Variants in ZP4 observed in about 807,000 individuals in gnomAD.
ZP4 encodes zona pellucida glycoprotein 4.
Under a neutral mutation model 62.3 loss-of-function variants are expected in ZP4, and 62 were observed. The observed-to-expected ratio is 0.99, with a 90% CI of 0.81 to 1.23. The LOEUF is 1.23. ZP4 is among the 50% of genes most tolerant of loss of function. The probability of loss-of-function intolerance (pLI) is 0.00; values close to 1 mark genes in which losing one functional copy is unlikely to be tolerated. For synonymous variants in ZP4, 289 were observed against 247.3 expected (o/e 1.17, Z -1.58); for missense variants, 774 against 656.0 (o/e 1.18, Z -1.97).
At position 237,885,501 on chromosome 1, in the gene ZP4, G is replaced by T; in HGVS notation, c.1050C>A (p.Val350=). The change falls in exon 8 of 12, where the codon GTC becomes GTA. Residue 350 remains valine (V), a synonymous_variant. Coordinates refer to ENST00000366570, the MANE Select transcript of ZP4 (RefSeq NM_021186.5). ...KLLRDPIYVE[V]SILHRTDPYL... Reference sequence around the variant, plus strand: ...AGGGGTCTGTTCTGTGAAGGATGGAGACCTCCACGTAAATGGGATCCCGAA... The same window carrying T: ...AGGGGTCTGTTCTGTGAAGGATGGATACCTCCACGTAAATGGGATCCCGAA... The T allele has an allele frequency of 4.3e-6, 7 of 1,614,136 alleles. No individual in the cohort carries two copies. Among genetic ancestry groups the T allele is most frequent in the African/African-American group, 2.7e-5 (2 of 75,022 alleles).
chr1:237,885,927 T>C, intron 6 of ZP4, 41 bp from the exon 7 acceptor site: 3 of 1,611,650 alleles, frequency 1.9e-6, no homozygotes, highest in South Asian at 1.1e-5. Flanking sequence ...TTGTGGGAAG[T>C]GGGTGTCAGT....
At chr1:237,888,827 G>A (rs184621109) in intron 3 of ZP4, among the ~76,000 whole-genome samples, 53 of 152,236 alleles carry the variant, frequency 3.5e-4, no homozygotes, top group Admixed American at 2.0e-3. Flanking sequence ...CTTTAGAGGC[G>A]TTTCTCAAGC....
In ZP4 at chr1:237,885,419, G is replaced by A. The variant is rs780056140; in HGVS notation, c.1132C>T (p.Gln378Ter). 10 of 1,612,598 alleles carry A rather than the reference G, an allele frequency of 6.2e-6. 1 individual carries two copies. In the South Asian group the frequency reaches 1.1e-4, roughly 18 times the overall value. Residue 378 changes from glutamine to a stop codon, truncating the protein, a stop_gained, in exon 8 of 12, where the codon CAG becomes TAG. Transcript: ENST00000366570. LOFTEE classifies it high-confidence loss of function. ...WATPSTDPLS[Q>*]PQWPILVKGC... Reference sequence around the variant, plus strand: ...TTTACCAGGATGGGCCACTGTGGCTGACTCAGGGGGTCAGTGCTGGGTGTT... The same window carrying A: ...TTTACCAGGATGGGCCACTGTGGCTAACTCAGGGGGTCAGTGCTGGGTGTT...
At chr1:237,889,787 G>T in intron 3 of ZP4, 80 bp downstream of exon 3, 1 of 1,216,690 alleles carries the variant, frequency 8.2e-7, no homozygotes, top group Non-Finnish European at 1.2e-6. Flanking sequence ...ACTGCACAGA[G>T]CAGGTCAGAG....
chr1:237,885,862 T>C lies in ZP4; in HGVS notation c.864A>G (p.Ser288=), dbSNP rs1419864137. 6.2e-7 allele frequency: 1 copy of C among 1,614,146 alleles called. No homozygotes were observed. Among genetic ancestry groups the C allele is most frequent in the South Asian group, 1.1e-5 (1 of 91,076 alleles). The part of the protein sequence containing the change: ...IFRLHVSCSY[S]VSSNSLPINV... ...TGATTGGGAGAGAGTTGCTACTTAC[T>C]GAGTAGCTGCAGCTGACATGGAGCC... The change falls in exon 7 of 12, where the codon TCA becomes TCG. Residue 288 remains serine (S), a synonymous_variant. Coordinates refer to ENST00000366570, the MANE Select transcript of ZP4 (RefSeq NM_021186.5).
chr1:237,888,355 C>CA lies in ZP4; in HGVS notation c.553+2dup, dbSNP rs758310784. The CA allele has an allele frequency of 3.6e-5, 57 of 1,573,628 alleles. No individual in the cohort carries two copies. Among genetic ancestry groups the CA allele is most frequent in the Non-Finnish European group, 4.7e-5 (54 of 1,151,512 alleles). ...GGTTTCAGAGGTGTGCTCACTTACT[C>CA]ACCAGTGTTTCCATAGTAGCAGGAA... On this transcript the variant is annotated splice_region_variant and intron_variant, in intron 4 of 11. Transcript: ENST00000366570.
At chr1:237,887,345 A>AG (rs759750037) in intron 5 of ZP4, 29 bp downstream of exon 5, 6 of 1,606,566 alleles carry the variant, frequency 3.7e-6, no homozygotes, top group Non-Finnish European at 5.1e-6. Flanking sequence ...CCCAACTTCC[A>AG]GAGCCAGGAA....
chr1:237,888,412 G>C lies in ZP4; in HGVS notation c.499C>G (p.Leu167Val), dbSNP rs1665159017. Residue 167 changes from leucine to valine, a missense_variant, in exon 4 of 12, where the codon CTA (leucine) becomes GTA (valine). Physicochemically the swap from Leu to Val is conservative, Grantham distance 32 (BLOSUM62 1). Transcript: ENST00000366570. Reference sequence around the variant, plus strand: ...TCTTCAGAGCTATAACAACAGCCTAGCCCTTCACAGTCTCCTCGAGAGATG... The same window carrying C: ...TCTTCAGAGCTATAACAACAGCCTACCCCTTCACAGTCTCCTCGAGAGATG... ...SPISRGDCEG[L>V]GCCYSSEEVN... The C allele has an allele frequency of 6.2e-7, 1 of 1,610,930 alleles. No individual in the cohort carries two copies. Among genetic ancestry groups the C allele is most frequent in the Admixed American group, 1.7e-5 (1 of 59,834 alleles).
intron 10 of ZP4, among the ~76,000 whole-genome samples, chr1:237,884,242 CTA>C (rs1665042382): frequency 6.6e-6 from 1 of 152,152 alleles, no homozygotes; most frequent in South Asian, 2.1e-4. Flanking sequence ...CATTTAGTTA[CTA>C]TGAGTTTTGC....
chr1:237,885,053 C>A, intron 9 of ZP4, 112 bp downstream of exon 9: 3 of 1,460,158 alleles, frequency 2.1e-6, no homozygotes, highest in Admixed American at 4.0e-5. Flanking sequence ...GAGTCAGTAC[C>A]AATAGCCAGC....
At chr1:237,888,188 C>T (rs149637971) in intron 4 of ZP4, among the ~76,000 whole-genome samples, 170 bp downstream of exon 4, 1 of 152,234 alleles carries the variant, frequency 6.6e-6, no homozygotes. Context: ...GGAGAATGGA[C>T]AGTGGGAGTT....
In ZP4 at chr1:237,890,585, C is replaced by T. The variant is rs1186722195; in HGVS notation, c.51G>A (p.Val17=). The T allele has an allele frequency of 3.7e-6, 6 of 1,614,014 alleles. No individual in the cohort carries two copies. In the Admixed American group the frequency reaches 1.0e-4, roughly 27 times the overall value. The change falls in exon 1 of 12, where the codon GTG becomes GTA. Residue 17 remains valine, a synonymous_variant. Coordinates refer to ENST00000366570, the MANE Select transcript of ZP4 (RefSeq NM_021186.5). ...GTGCCTCAGGCTTATGCTGGCCACT[C>T]ACAGCAAGAGATAATGAAACACACA... is the stretch of plus-strand genomic sequence containing the variant. ...VLLCVSLSLA[V]SGQHKPEAPD...
At chr1:237,883,257 A>G (rs1211608845) in intron 10 of ZP4, among the ~76,000 whole-genome samples, 1 of 152,242 alleles carries the variant, frequency 6.6e-6, no homozygotes, top group East Asian at 1.9e-4. Flanking sequence ...CTTGAAATAT[A>G]CAGTTTTACG....
At position 237,890,621 on chromosome 1, in the gene ZP4, C is replaced by T. The variant is rs762480720; in HGVS notation, c.15G>A (p.Arg5=). 3 of 1,613,018 alleles carry T rather than the reference C, an allele frequency of 1.9e-6. No individual in the cohort carries two copies. Among genetic ancestry groups the T allele is most frequent in the African/African-American group, 2.7e-5 (2 of 74,882 alleles). Residue 5 remains arginine (R), a synonymous_variant, in exon 1 of 12, where the codon CGG becomes CGA. Transcript: ENST00000366570. The part of the protein sequence containing the change: MWLL[R]CVLLCVSLSL... ...ATAATGAAACACACAGCAAAACGCA[C>T]CGCAGCAGCCACATAATGCTACCAG...
rs374990744 is a variant in ZP4 at position 237,888,538 on chromosome 1, T to C, written c.401-28A>G. On this transcript the variant is annotated intron_variant, in intron 3 of 11. Transcript: ENST00000366570. Reference sequence around the variant, plus strand: ...AGGTTTTGAAAAAGAGTAAGTCAGGTTAGATAATGGAAAAGTTAGTCTTGA... The same window carrying C: ...AGGTTTTGAAAAAGAGTAAGTCAGGCTAGATAATGGAAAAGTTAGTCTTGA... 2.7e-5 allele frequency: 43 copies of C among 1,566,002 alleles called. No individual in the cohort carries two copies. In the African/African-American group the frequency reaches 5.1e-4, roughly 19 times the overall value.
chr1:237,883,983 A>ACAC (rs1665013477), intron 10 of ZP4, among the ~76,000 whole-genome samples: 8 of 42,392 alleles, frequency 1.9e-4, no homozygotes, highest in African/African-American at 5.4e-4. Context: ...CACACACACA[A>ACAC]ACACACACAC....
intron 1 of ZP4, 44 bp downstream of exon 1, chr1:237,890,417 G>A (rs1456669042): frequency 3.2e-6 from 5 of 1,579,406 alleles, no homozygotes; most frequent in Non-Finnish European, 4.3e-6. Context: ...TAGTAGAGGA[G>A]ACATATCATT....
intron 10 of ZP4, among the ~76,000 whole-genome samples, chr1:237,883,554 A>G (rs533421950): frequency 4.7e-5 from 7 of 148,572 alleles, no homozygotes; most frequent in Non-Finnish European, 1.0e-4. Flanking sequence ...GTCTCTACCA[A>G]AAATACAAAA....
At chr1:237,883,852 T>C (rs1293283844) in intron 10 of ZP4, among the ~76,000 whole-genome samples, 3 of 137,644 alleles carry the variant, frequency 2.2e-5, no homozygotes, top group Admixed American at 1.5e-4. Flanking sequence ...TAGTTTTAGT[T>C]GGGAGGCTGA....
Sources: allele counts gnomAD v4.1 joint callset (sites outside exome capture counted in the v4.1 genomes callset), GRCh38; gene constraint gnomAD v4.1.1; transcripts MANE v1.5; gene names NCBI Gene and HGNC (gene_info 2026-07-23, HGNC 2026-07-21).